The following TANC1 variants were observed in gnomAD, a reference collection of about 807,000 sequenced individuals.
TANC1 encodes the protein tetratricopeptide repeat, ankyrin repeat and coiled-coil containing 1.
In TANC1, 77 loss-of-function variants were observed where a neutral mutation model predicts 149.7. The ratio of observed to expected loss-of-function variants is 0.51; its 90% CI spans 0.43 to 0.62. The LOEUF (loss-of-function observed/expected upper bound fraction) is 0.62. TANC1 is among the 20% of genes least tolerant of loss of function. TANC1 has a pLI of 0.00. For synonymous variants in TANC1, 854 were observed against 925.0 expected, an observed-to-expected ratio of 0.92 and a Z score of 1.39; for missense variants, 1,985 against 2,321.8, an observed-to-expected ratio of 0.85 and a Z score of 2.98.
Position 159,004,703 on chromosome 2 carries a change from T to TA in TANC1, c.-16+3522dup, listed in dbSNP as rs552601227. Among the ~76,000 whole-genome samples, 339 of 151,422 alleles carry TA rather than the reference T, an allele frequency of 2.2e-3. 2 individuals carry two copies. The highest frequency in any genetic ancestry group is 3.7e-3 in the Non-Finnish European group (252 of 67,780). On this transcript the variant is annotated intron_variant, in intron 2 of 26. Transcript: ENST00000263635. ...TATCCTCCTCCCTCCCCAGTAGAAATAAAAAAAACTTTACAAAACAAACAA... is the reference window on the plus strand; with the variant it reads ...TATCCTCCTCCCTCCCCAGTAGAAATAAAAAAAAACTTTACAAAACAAACAA...
intron 4 of TANC1, among the ~76,000 whole-genome samples, chr2:159,113,422 C>T (rs2047950472): frequency 6.6e-6 from 1 of 152,142 alleles, no homozygotes; most frequent in African/African-American, 2.4e-5. Flanking sequence ...AAATTAATGT[C>T]TCTAATAGTT....
chr2:159,056,828 G>T, intron 2 of TANC1: 3 of 343,518 alleles, frequency 8.7e-6, no homozygotes, highest in South Asian at 6.0e-5. Flanking sequence ...GGTCTAGCTT[G>T]AATATCACAT....
intron 2 of TANC1, among the ~76,000 whole-genome samples, chr2:159,033,995 G>A (rs539549486): frequency 3.9e-5 from 6 of 152,326 alleles, no homozygotes; most frequent in Admixed American, 1.3e-4. Context: ...TAGAAGAACA[G>A]GTGAAATCAT....
In TANC1 at chr2:159,217,513, A is replaced by G. The variant is rs1255075520; in HGVS notation, c.3261A>G (p.Ala1087=). 4 of 1,614,158 alleles carry G rather than the reference A, an allele frequency of 2.5e-6. No individual in the cohort carries two copies. In the East Asian group the frequency reaches 8.9e-5, roughly 36 times the overall value. The part of the protein sequence containing the change: ...LWGETALTAA[A]GRGKLEVCEL... ...TTCCTTTAGCCCTGACTGCCGCCGC[A>G]GGAAGAGGGAAGCTGGAGGTCTGTG... is the stretch of plus-strand genomic sequence containing the variant. Residue 1087 remains alanine (A), a synonymous_variant, in exon 20 of 27, where the codon GCA becomes GCG. Coordinates refer to ENST00000263635, the MANE Select transcript of TANC1 (RefSeq NM_033394.3).
chr2:159,191,480 G>T (rs558294190), intron 16 of TANC1, among the ~76,000 whole-genome samples: 1 of 152,106 alleles, frequency 6.6e-6, no homozygotes. Context: ...GAACTAAAAG[G>T]GGGTAAAGAC....
intron 4 of TANC1, among the ~76,000 whole-genome samples, chr2:159,117,027 A>C (rs2150063853): frequency 6.6e-6 from 1 of 152,316 alleles, no homozygotes; most frequent in Non-Finnish European, 1.5e-5. Context: ...TGCAGATGGC[A>C]CAGGAGCCCT....
At position 159,219,356 on chromosome 2, in the gene TANC1, C is replaced by T; in HGVS notation, c.3497C>T (p.Ser1166Leu). ...GHLSTVEFLL[S>L]KGAALSSLDK... ...TTGAGCACCGTGGAATTCCTCCTTT[C>T]AAAAGGTAGCAGCGTGATGCCCTCA... Residue 1166 changes from serine (S) to leucine (L), a missense_variant, in exon 21 of 27, where the codon TCA becomes TTA. By Grantham distance (145) the Ser-to-Leu change is moderately radical. Transcript: ENST00000263635. The T allele has an allele frequency of 6.2e-7, 1 of 1,607,466 alleles. No homozygotes were observed. Among genetic ancestry groups the T allele is most frequent in the Non-Finnish European group, 8.5e-7 (1 of 1,175,974 alleles).
At chr2:159,008,182 T>G (rs1439170832) in intron 2 of TANC1, among the ~76,000 whole-genome samples, 1 of 152,236 alleles carries the variant, frequency 6.6e-6, no homozygotes, top group Non-Finnish European at 1.5e-5. Context: ...ATGCTGTGAT[T>G]AATATCTGTT....
intron 4 of TANC1, among the ~76,000 whole-genome samples, chr2:159,101,018 CCT>C (rs1225086700): frequency 6.6e-6 from 1 of 152,166 alleles, no homozygotes; most frequent in Non-Finnish European, 1.5e-5. Flanking sequence ...CCACTCCCCT[CCT>C]CTCCTTCCAC....
chr2:159,209,652 C>T (rs1017148698), intron 19 of TANC1, among the ~76,000 whole-genome samples: 1 of 152,148 alleles, frequency 6.6e-6, no homozygotes, highest in Non-Finnish European at 1.5e-5. Context: ...GCAGGGTGGG[C>T]AGTCATTCCC....
intron 1 of TANC1, among the ~76,000 whole-genome samples, chr2:158,986,133 G>C (rs1436944486): frequency 6.6e-6 from 1 of 152,210 alleles, no homozygotes; most frequent in African/African-American, 2.4e-5. Context: ...TTGGATCCTA[G>C]TGCAAGAGCT....
chr2:159,215,227 C>T (rs1313819500), intron 19 of TANC1, among the ~76,000 whole-genome samples: 1 of 152,116 alleles, frequency 6.6e-6, no homozygotes, highest in Non-Finnish European at 1.5e-5. Flanking sequence ...GTGACGAGGC[C>T]CCAGATAGAA....
At chr2:159,210,199 C>T (rs537683801) in intron 19 of TANC1, among the ~76,000 whole-genome samples, 3 of 152,082 alleles carry the variant, frequency 2.0e-5, no homozygotes, top group Admixed American at 2.0e-4. Context: ...AGTCTGCCAG[C>T]GGGAAGCAGC....
intron 7 of TANC1, among the ~76,000 whole-genome samples, chr2:159,154,870 T>C (rs922678805): frequency 6.6e-6 from 1 of 152,200 alleles, no homozygotes; most frequent in African/African-American, 2.4e-5. Context: ...CACCATAAAA[T>C]AGCTTTCAGT....
At chr2:159,093,087 A>G (rs1245845802) in intron 3 of TANC1, among the ~76,000 whole-genome samples, 1 of 152,312 alleles carries the variant, frequency 6.6e-6, no homozygotes, top group East Asian at 1.9e-4. Context: ...AAATGTTCCA[A>G]TGGAAACACC....
rs1446574229 is a variant in TANC1 at position 159,169,383 on chromosome 2, T to G, written c.1069+11T>G. On this transcript the variant is annotated intron_variant, in intron 9 of 26. Transcript: ENST00000263635. ...CACAGGAAGTTAAAGGTATTTATCC[T>G]GGCATCAGCTGCGATAATGGTTATG... The G allele has an allele frequency of 6.2e-7, 1 of 1,612,596 alleles. No homozygotes were observed. Among genetic ancestry groups the G allele is most frequent in the African/African-American group, 1.3e-5 (1 of 74,880 alleles).
chr2:159,066,055 T>C, intron 3 of TANC1, 84 bp downstream of exon 3: 3 of 1,105,586 alleles, frequency 2.7e-6, no homozygotes, highest in South Asian at 1.2e-5. Flanking sequence ...ATTTGTTGCT[T>C]TGGGAGTGGG....
At chr2:159,019,923 C>A (rs951355406) in intron 2 of TANC1, among the ~76,000 whole-genome samples, 11 of 151,862 alleles carry the variant, frequency 7.2e-5, no homozygotes, top group African/African-American at 2.7e-4. Flanking sequence ...TCAGTAAATG[C>A]ATGCTGAGCA....
intron 19 of TANC1, 61 bp downstream of exon 19, chr2:159,199,114 T>C (rs1219454852): frequency 7.4e-7 from 1 of 1,346,516 alleles, no homozygotes; most frequent in African/African-American, 1.4e-5. Context: ...AGCCCTATTT[T>C]GGCCTAATTG....
Sources: allele counts gnomAD v4.1 joint callset (sites outside exome capture counted in the v4.1 genomes callset), GRCh38; gene constraint gnomAD v4.1.1; transcripts MANE v1.5; gene names NCBI Gene and HGNC (gene_info 2026-07-23, HGNC 2026-07-21).